Variants in SOX6 observed in about 807,000 individuals in gnomAD.
SOX6 encodes the protein SRY-box transcription factor 6.
In SOX6, 11 loss-of-function variants were observed where a neutral mutation model predicts 97.8. The ratio of observed to expected loss-of-function variants is 0.11; its 90% CI spans 0.07 to 0.19. SOX6 has a LOEUF of 0.19. Ranked by LOEUF, SOX6 falls within the 10% of genes least tolerant of loss-of-function variation. SOX6 has a pLI of 1.00. For missense variants in SOX6, 810 were observed against 1,039.5 expected (o/e 0.78, Z 3.04); for synonymous variants, 360 against 371.4 (o/e 0.97, Z 0.35).
intron 4 of SOX6, among the ~76,000 whole-genome samples, chr11:16,606,925 G>C (rs1369204594): frequency 6.6e-6 from 1 of 152,196 alleles, no homozygotes; most frequent in East Asian, 1.9e-4. Context: ...CTCGGGATCA[G>C]CGCGTCCACC....
chr11:16,434,833 CA>C (rs141388280), intron 1 of SOX6, among the ~76,000 whole-genome samples: 1 of 151,898 alleles, frequency 6.6e-6, no homozygotes, highest in African/African-American at 2.4e-5. Flanking sequence ...AAATCAGCCA[CA>C]AAAAAGTGGC....
intron 15 of SOX6, among the ~76,000 whole-genome samples, chr11:15,981,085 G>A (rs773200977): frequency 6.6e-6 from 1 of 152,074 alleles, no homozygotes; most frequent in African/African-American, 2.4e-5. Flanking sequence ...AATCCAGCCA[G>A]CAGGTTCAAG....
rs1284317861 is a variant in SOX6, at chr11:16,234,625, T to C, written c.492A>G (p.Lys164=). 2 of 1,600,098 alleles carry C rather than the reference T, an allele frequency of 1.2e-6. No individual in the cohort carries two copies. The highest frequency in any genetic ancestry group is 8.5e-7 in the Non-Finnish European group (1 of 1,170,070). ...EKLLSKDWKE[K]MERLNTSELL... Reference sequence around the variant, plus strand: ...GTTCACTGGTATTTAGTCTTTCCATTTTTTCCTTCCAATCTTTTGAAAGTA... The same window carrying C: ...GTTCACTGGTATTTAGTCTTTCCATCTTTTCCTTCCAATCTTTTGAAAGTA... The change falls in exon 4 of 16, where the codon AAA becomes AAG. Residue 164 remains lysine (K), a synonymous_variant. Coordinates refer to ENST00000683767, the MANE Select transcript of SOX6 (RefSeq NM_001367873.1).
At chr11:16,076,799 T>C (rs1239212556) in intron 9 of SOX6, among the ~76,000 whole-genome samples, 1 of 137,030 alleles carries the variant, frequency 7.3e-6, no homozygotes, top group Non-Finnish European at 1.5e-5. Flanking sequence ...CAGGCCGGAC[T>C]GCGGACTGCA....
At chr11:16,539,312 T>A (rs1590237763) in intron 4 of SOX6, among the ~76,000 whole-genome samples, 1 of 152,166 alleles carries the variant, frequency 6.6e-6, no homozygotes, top group African/African-American at 2.4e-5. Context: ...TGGGACACAT[T>A]TAATGCAGTG....
At chr11:16,137,193 T>G (rs775890873) in intron 6 of SOX6, among the ~76,000 whole-genome samples, 1 of 152,162 alleles carries the variant, frequency 6.6e-6, no homozygotes, top group Non-Finnish European at 1.5e-5. Context: ...CCTAGCACTT[T>G]GGGAGGCTGA....
intron 9 of SOX6, among the ~76,000 whole-genome samples, chr11:16,082,349 A>G (rs1019141526): frequency 6.6e-6 from 1 of 152,192 alleles, no homozygotes; most frequent in African/African-American, 2.4e-5. Flanking sequence ...GGAACATTTT[A>G]TTATTCCAGA....
chr11:16,224,034 C>T (rs745459624), intron 4 of SOX6, among the ~76,000 whole-genome samples: 39 of 151,998 alleles, frequency 2.6e-4, no homozygotes, highest in Non-Finnish European at 5.2e-4. Context: ...TGCCTCCTTT[C>T]CCTACTCTAG....
intron 3 of SOX6, among the ~76,000 whole-genome samples, chr11:16,614,361 G>T (rs1174655169): frequency 1.3e-5 from 2 of 152,144 alleles, no homozygotes; most frequent in Admixed American, 6.5e-5. Flanking sequence ...ACAAACGGAG[G>T]TCTCCGAGAC....
In SOX6 at chr11:15,968,407, A is replaced by C. The variant is rs1853203370; in HGVS notation, c.*4402T>G. On this transcript the variant is annotated 3_prime_UTR_variant, in exon 16 of 16. Coordinates refer to ENST00000683767, the MANE Select transcript of SOX6 (RefSeq NM_001367873.1). ...AGGACTTCTCATATGATTTAAAATT[A>C]CTAAGTGATTCTTTTTCCTCTCCCT... The C allele has an allele frequency of 1.3e-5, 2 of 152,226 alleles. No individual in the cohort carries two copies. The highest frequency in any genetic ancestry group is 2.4e-5 in the African/African-American group (1 of 41,460). The allele number at this position is 152,226 out of a possible 1,614,324, so 9.4% of individuals were successfully genotyped here.
intron 1 of SOX6, among the ~76,000 whole-genome samples, chr11:16,435,543 G>C (rs1020459670): frequency 2.6e-5 from 4 of 151,874 alleles, no homozygotes; most frequent in African/African-American, 9.7e-5. Flanking sequence ...CAGAAGCTAG[G>C]AAGAGGCAAA....
At chr11:16,062,255 TAACA>T (rs1302000407) in intron 9 of SOX6, among the ~76,000 whole-genome samples, 3 of 151,600 alleles carry the variant, frequency 2.0e-5, no homozygotes, top group Non-Finnish European at 4.4e-5. Context: ...GTGTAGTTAT[TAACA>T]GTCTAGTTAA....
chr11:16,367,300 A>G (rs1857383987), intron 1 of SOX6, among the ~76,000 whole-genome samples: 1 of 152,146 alleles, frequency 6.6e-6, no homozygotes. Flanking sequence ...CTGGGTCCAA[A>G]TGAAGACTGA....
chr11:16,259,726 G>C (rs1044479910), intron 3 of SOX6, among the ~76,000 whole-genome samples: 10 of 152,070 alleles, frequency 6.6e-5, no homozygotes, highest in Admixed American at 2.6e-4. Flanking sequence ...TTAATCTATG[G>C]TAATAAGAGT....
chr11:16,340,927 C>T, intron 2 of SOX6, 85 bp downstream of exon 2: 2 of 1,575,718 alleles, frequency 1.3e-6, no homozygotes, highest in South Asian at 1.1e-5. Flanking sequence ...ACTCTAAGGT[C>T]ATCTATTTCC....
chr11:16,623,686 C>G (rs563186066), intron 3 of SOX6, among the ~76,000 whole-genome samples: 1 of 152,054 alleles, frequency 6.6e-6, no homozygotes, highest in Non-Finnish European at 1.5e-5. Flanking sequence ...AGAATTTTTA[C>G]AGTTTCACGT....
intron 1 of SOX6, among the ~76,000 whole-genome samples, chr11:16,443,454 G>A (rs1859548460): frequency 6.6e-6 from 1 of 152,078 alleles, no homozygotes; most frequent in Non-Finnish European, 1.5e-5. Flanking sequence ...TATTTATTTA[G>A]CACCTGTTGT....
Position 16,084,189 on chromosome 11 carries a change from C to T in SOX6, c.1101+11807G>A, listed in dbSNP as rs565037708. On this transcript the variant is annotated intron_variant, in intron 9 of 15. Coordinates refer to ENST00000683767, the MANE Select transcript of SOX6 (RefSeq NM_001367873.1). The stretch of plus-strand genomic sequence containing the variant: ...CCTATACACAATCACCTTGGGCAAT[C>T]AATAAATCAGTATATATATGTACAT... Among the ~76,000 whole-genome samples the T allele has an allele frequency of 3.9e-5, 6 of 152,110 alleles. No homozygotes were observed. The South Asian group carries it at 1.2e-3, about 32-fold the overall frequency.
intron 4 of SOX6, among the ~76,000 whole-genome samples, chr11:16,581,480 A>G (rs1848031516): frequency 6.6e-6 from 1 of 152,144 alleles, no homozygotes. Flanking sequence ...GCTTCAGGAC[A>G]AATAGTTAAT....
Sources: gnomAD v4.1 joint callset for allele counts (sites outside exome capture counted in the v4.1 genomes callset) on GRCh38, gnomAD v4.1.1 for gene constraint, MANE v1.5 for transcripts, NCBI Gene and HGNC (gene_info 2026-07-23, HGNC 2026-07-21) for gene names.